KRT33B: variants seen among roughly 807,000 people sequenced by gnomAD.
The protein encoded by KRT33B is keratin, type I cuticular Ha3-II.
Under a neutral mutation model 42.7 loss-of-function variants are expected in KRT33B, and 37 were observed. The ratio of observed to expected loss-of-function variants is 0.87; its 90% confidence interval spans 0.67 to 1.14. The LOEUF (loss-of-function observed/expected upper bound fraction) is 1.14. Ranked by LOEUF, KRT33B falls within the 50% of genes most tolerant of loss-of-function variation. KRT33B has a pLI of 0.00. For synonymous variants in KRT33B, 237 were observed against 221.2 expected (o/e 1.07, Z -0.63); for missense variants, 523 against 515.1 (o/e 1.02, Z -0.15).
chr17:41,369,323 C>T, intron 1 of KRT33B, 80 bp downstream of exon 1: 6 of 1,536,582 alleles, frequency 3.9e-6, no homozygotes, highest in Non-Finnish European at 5.3e-6. Context: ...TGTGAACAGA[C>T]TTAGATCCAT....
In KRT33B at chr17:41,367,594, C is replaced by T. The variant is rs186114174; in HGVS notation, c.431+314G>A. On this transcript the variant is annotated intron_variant, in intron 2 of 6. Transcript: ENST00000251646. ...TGGCGCATGCCTGTAATCCCAGCTA[C>T]GAGGAAGGCTGAGGCAGGAAAATCA... is the stretch of plus-strand genomic sequence containing the variant. Among the ~76,000 whole-genome samples the T allele has an allele frequency of 1.5e-3, 224 of 151,300 alleles. 12 individuals carry two copies. Among genetic ancestry groups the T allele is most frequent in the African/African-American group, 5.3e-3 (217 of 40,656 alleles).
chr17:41,368,739 G>A (rs1293481224), intron 1 of KRT33B, among the ~76,000 whole-genome samples: 1 of 151,338 alleles, frequency 6.6e-6, no homozygotes, highest in Non-Finnish European at 1.5e-5. Flanking sequence ...TCAAGGGCTT[G>A]TACAATTGGA....
chr17:41,368,039 T>C (rs1470682303), intron 1 of KRT33B, 49 bp from the exon 2 acceptor site: 7 of 1,553,708 alleles, frequency 4.5e-6, no homozygotes, highest in Non-Finnish European at 6.2e-6. Context: ...AAATGCCTTG[T>C]GCCTTAAAGT....
intron 2 of KRT33B, 112 bp downstream of exon 2, chr17:41,367,796 A>C: frequency 1.1e-6 from 1 of 909,164 alleles, no homozygotes; most frequent in Non-Finnish European, 1.8e-6. Context: ...AACCCAATGC[A>C]AGAATCCTCC....
In KRT33B at chr17:41,365,157, G is replaced by A; in HGVS notation, c.876+18C>T. The stretch of plus-strand genomic sequence containing the variant: ...CCCAAGTTCCCATCGCTCACCAGCA[G>A]GTCTGAACAATACACACCAGGTTGT... On this transcript the variant is annotated intron_variant, in intron 5 of 6. Transcript: ENST00000251646. The A allele has an allele frequency of 1.9e-6, 3 of 1,611,490 alleles. No homozygotes were observed. The highest frequency in any genetic ancestry group is 2.5e-6 in the Non-Finnish European group (3 of 1,179,886).
In KRT33B at chr17:41,369,765, G is replaced by T. The variant is rs199935732; in HGVS notation, c.-15C>A. ...TTGTAGGGCATGGTGCAGGGAGGCA[G>T]TGGAGCTCTGGAAGTCAGTTTCAAA... On this transcript the variant is annotated 5_prime_UTR_variant, in exon 1 of 7. The change creates a new upstream start codon in the 5' untranslated region. Coordinates refer to ENST00000251646, the MANE Select transcript of KRT33B (RefSeq NM_002279.5). The T allele has an allele frequency of 2.5e-6, 4 of 1,608,310 alleles. No individual in the cohort carries two copies. In the African/African-American group the frequency reaches 5.3e-5, roughly 21 times the overall value.
chr17:41,369,628 C>G lies in KRT33B; in HGVS notation c.123G>C (p.Val41=), dbSNP rs201646128. Residue 41 remains valine (V), a synonymous_variant, in exon 1 of 7, where the codon GTG becomes GTC. Coordinates refer to ENST00000251646, the MANE Select transcript of KRT33B (RefSeq NM_002279.5). ...LPGACNIPAN[V]SNCNWFCEGS... Reference sequence around the variant, plus strand: ...CCTCGCAGAACCAGTTGCAGTTGCTCACATTGGCAGGGATGTTGCAGGCCC... The same window carrying G: ...CCTCGCAGAACCAGTTGCAGTTGCTGACATTGGCAGGGATGTTGCAGGCCC... 30 of 1,613,582 alleles carry G rather than the reference C, an allele frequency of 1.9e-5. No homozygotes were observed. The highest frequency in any genetic ancestry group is 2.5e-5 in the Non-Finnish European group (30 of 1,180,058).
In KRT33B at chr17:41,364,277, T is replaced by G. The variant is rs959336241; in HGVS notation, c.1098-324A>C. On this transcript the variant is annotated intron_variant, in intron 6 of 6. Coordinates refer to ENST00000251646, the MANE Select transcript of KRT33B (RefSeq NM_002279.5). ...ATTATGAAAATTCCACAAGACTGTG[T>G]TCATAAAAATATTATGTTCGCTGGC... 2.0e-5 allele frequency among the ~76,000 whole-genome samples: 3 copies of G among 151,056 alleles called. 1 individual carries two copies. The highest frequency in any genetic ancestry group is 7.4e-5 in the African/African-American group (3 of 40,348).
chr17:41,364,218 T>A (rs1259742329), intron 6 of KRT33B, among the ~76,000 whole-genome samples: 1 of 151,344 alleles, frequency 6.6e-6, no homozygotes, highest in African/African-American at 2.5e-5. Flanking sequence ...CTTTCCCACC[T>A]GTAAGGTAGG....
rs770878896 is a variant in KRT33B at position 41,369,701 on chromosome 17, G to A, written c.50C>T (p.Ser17Phe). ...GCTGGGGGGCACACAGGGCCGGGAG[G>A]AGCAGCTGGTGCGGCAGCTCAGGCT... ...LPSLSCRTSCSSRPCVPPSCH... is the reference protein window; with the variant it reads ...LPSLSCRTSCFSRPCVPPSCH... Residue 17 changes from serine (S) to phenylalanine (F), a missense_variant, in exon 1 of 7, where the codon TCC becomes TTC. Physicochemically the swap from Ser to Phe is radical, Grantham distance 155. Coordinates refer to ENST00000251646, the MANE Select transcript of KRT33B (RefSeq NM_002279.5). The A allele has an allele frequency of 6.2e-7, 1 of 1,613,982 alleles. No individual in the cohort carries two copies.
Position 41,364,876 on chromosome 17 carries a change from G to T in KRT33B, c.1000C>A (p.Arg334=), listed in dbSNP as rs2017674399. 2 of 1,613,246 alleles carry T rather than the reference G, an allele frequency of 1.2e-6. No individual in the cohort carries two copies. The highest frequency in any genetic ancestry group is 1.1e-5 in the South Asian group (1 of 91,084). The change falls in exon 6 of 7, where the codon CGG becomes AGG. Residue 334 remains arginine, a synonymous_variant. Coordinates refer to ENST00000251646, the MANE Select transcript of KRT33B (RefSeq NM_002279.5). ...QLAEIRSDLE[R]QNQEYQVLLD... is the part of the protein sequence containing the mutation. ...AGCACCTGATACTCCTGGTTCTGCCGCTCCAGGTCACTGCGGATCTCCGCC... is the reference window on the plus strand; with the variant it reads ...AGCACCTGATACTCCTGGTTCTGCCTCTCCAGGTCACTGCGGATCTCCGCC...
chr17:41,368,304 C>T (rs2017727130), intron 1 of KRT33B, among the ~76,000 whole-genome samples: 1 of 151,370 alleles, frequency 6.6e-6, no homozygotes, highest in South Asian at 2.1e-4. Flanking sequence ...TTCTGGGATG[C>T]TAAAATGGGA....
intron 5 of KRT33B, 43 bp from the exon 6 acceptor site, chr17:41,365,042 T>A: frequency 6.2e-7 from 1 of 1,611,496 alleles, no homozygotes; most frequent in Non-Finnish European, 8.5e-7. Context: ...CTGCTCCTTA[T>A]AGGGTTCCTC....
At position 41,365,544 on chromosome 17, in the gene KRT33B, T is replaced by G. The variant is rs2017689622; in HGVS notation, c.598A>C (p.Thr200Pro). 1 of 1,610,108 alleles carries G rather than the reference T, an allele frequency of 6.2e-7. No homozygotes were observed. Among genetic ancestry groups the G allele is most frequent in the Admixed American group, 1.7e-5 (1 of 58,924 alleles). ...LKQNHEQEVN[T>P]LRCQLGDRLN... ...CGGTCTCCAAGCTGGCAGCGCAAGG[T>G]GTTGACTTCCTAATGGAGAAAAGGG... The change falls in exon 4 of 7, where the codon ACC (threonine) becomes CCC (proline). Residue 200 changes from threonine (T) to proline (P), a missense_variant. Coordinates refer to ENST00000251646, the MANE Select transcript of KRT33B (RefSeq NM_002279.5).
Position 41,364,973 on chromosome 17 carries a change from T to C in KRT33B, c.903A>G (p.Thr301=), listed in dbSNP as rs766923895. 1.9e-6 allele frequency: 3 copies of C among 1,613,380 alleles called. No individual in the cohort carries two copies. The highest frequency in any genetic ancestry group is 1.6e-4 in the Middle Eastern group (1 of 6,062). Residue 301 remains threonine (T), a synonymous_variant, in exon 6 of 7, where the codon ACA becomes ACG. Transcript: ENST00000251646. ...GGGAGCTGTAGCGGGCCTCGCTCTCTGTCAGCGTGTTTTCCAGAGAGTATC... is the reference window on the plus strand; with the variant it reads ...GGGAGCTGTAGCGGGCCTCGCTCTCCGTCAGCGTGTTTTCCAGAGAGTATC... ...NLRYSLENTL[T]ESEARYSSQL...
At chr17:41,364,087 T>C in intron 6 of KRT33B, 134 bp from the exon 7 acceptor site, 2 of 623,368 alleles carry the variant, frequency 3.2e-6, no homozygotes, top group Non-Finnish European at 5.7e-6. Flanking sequence ...TTTGGATCAC[T>C]CCTTCTACAG....
In KRT33B at chr17:41,364,339, T is replaced by C. The variant is rs532768411; in HGVS notation, c.1098-386A>G. On this transcript the variant is annotated intron_variant, in intron 6 of 6. Coordinates refer to ENST00000251646, the MANE Select transcript of KRT33B (RefSeq NM_002279.5). ...TGTTAGTTATTGATCATCAACCCTA[T>C]TGACACTCAAATGCTCATCTATAAG... is the stretch of plus-strand genomic sequence containing the variant. Among the ~76,000 whole-genome samples the C allele has an allele frequency of 1.2e-3, 188 of 151,544 alleles. 11 individuals are homozygous for C. Among genetic ancestry groups the C allele is most frequent in the African/African-American group, 4.3e-3 (175 of 40,850 alleles).
At position 41,367,965 on chromosome 17, in the gene KRT33B, G is replaced by A. The variant is rs866463927; in HGVS notation, c.374C>T (p.Ala125Val). 2.5e-6 allele frequency: 4 copies of A among 1,612,918 alleles called. No individual in the cohort carries two copies. The African/African-American group carries it at 5.4e-5, about 22-fold the overall frequency. Residue 125 changes from alanine (A) to valine (V), a missense_variant, in exon 2 of 7, where the codon GCC (alanine) becomes GTC (valine). Ala to Val is a moderately conservative substitution (Grantham distance 64). Coordinates refer to ENST00000251646, the MANE Select transcript of KRT33B (RefSeq NM_002279.5). ...ATTGTCGATCTGCACCACCAGCCTG[G>A]CATTCTCAGACTTGCTGCACAGGAT... ...QKILCSKSEN[A>V]RLVVQIDNAK...
chr17:41,364,266 A>T (rs2017664973), intron 6 of KRT33B, among the ~76,000 whole-genome samples: 1 of 151,136 alleles, frequency 6.6e-6, no homozygotes, highest in South Asian at 2.1e-4. Context: ...TGAAAATTCC[A>T]CAAGACTGTG....
Sources: allele counts gnomAD v4.1 joint callset (sites outside exome capture counted in the v4.1 genomes callset), GRCh38; gene constraint gnomAD v4.1.1; transcripts MANE v1.5; gene names NCBI Gene and HGNC (gene_info 2026-07-23, HGNC 2026-07-21).